The following DMD variants were observed in gnomAD, a reference collection of about 807,000 sequenced individuals.
DMD encodes the protein mutant dystrophin.
DMD carries 63 observed loss-of-function variants against 330.1 expected under a neutral mutation model. The observed-to-expected ratio is 0.19, with a 90% CI of 0.16 to 0.24. DMD has a LOEUF of 0.24. DMD is among the 10% of genes least tolerant of loss of function. The probability of loss-of-function intolerance (pLI) is 1.00; values close to 1 mark genes in which losing one functional copy is unlikely to be tolerated. For synonymous variants in DMD, 1,223 were observed against 959.8 expected (o/e 1.27, Z -5.07); for missense variants, 3,344 against 2,684.1 (o/e 1.25, Z -5.43).
intron 62 of DMD, among the ~76,000 whole-genome samples, chrX:31,267,164 A>G (rs760735055): frequency 9.0e-6 from 1 of 111,495 alleles, no homozygotes; most frequent in Non-Finnish European, 1.9e-5. Context: ...AGACCCAGGA[A>G]CCTGGAAGCC....
At chrX:32,041,623 G>C (rs1026518352) in intron 44 of DMD, among the ~76,000 whole-genome samples, 4 of 111,065 alleles carry the variant, frequency 3.6e-5, no homozygotes, top group African/African-American at 1.3e-4. Context: ...CACTGTAACA[G>C]CAGCACATTC....
At chrX:31,187,722 AG>A (rs2041920572) in intron 67 of DMD, among the ~76,000 whole-genome samples, 1 of 4,104 alleles carries the variant, frequency 2.4e-4, no homozygotes, top group African/African-American at 6.5e-4. Flanking sequence ...ATTCTCAGAG[AG>A]AGAGAGAGAG....
At chrX:32,277,357 A>G (rs1189703510) in intron 43 of DMD, among the ~76,000 whole-genome samples, 1 of 111,805 alleles carries the variant, frequency 8.9e-6, no homozygotes, top group East Asian at 2.8e-4. Flanking sequence ...AAAGACCTCA[A>G]TACAATAACA....
intron 41 of DMD, among the ~76,000 whole-genome samples, chrX:32,316,527 C>T (rs1049272678): frequency 5.4e-5 from 6 of 111,048 alleles, no homozygotes; most frequent in African/African-American, 1.6e-4. Context: ...AGATAACAGA[C>T]ACTAAGTGGT....
intron 51 of DMD, among the ~76,000 whole-genome samples, chrX:31,732,702 T>A (rs1035729773): frequency 3.6e-5 from 4 of 111,017 alleles, no homozygotes; most frequent in Non-Finnish European, 5.7e-5. Context: ...ATCTATAAAA[T>A]TCTGTTCTCT....
At position 32,269,034 on chromosome X, in the gene DMD, A is replaced by AT. The variant is rs773791187; in HGVS notation, c.6290+18494dup. On this transcript the variant is annotated intron_variant, in intron 43 of 78. Coordinates refer to ENST00000357033, the MANE Select transcript of DMD (RefSeq NM_004006.3). ...CCAGGGAAAGGCAGTCTCCCAATAG[A>AT]TAAAAACACCTGAAATTGGTGATCA... Among the ~76,000 whole-genome samples the AT allele has an allele frequency of 2.7e-5, 3 of 110,612 alleles. No homozygotes were observed. The South Asian group carries it at 1.2e-3, about 44-fold the overall frequency.
chrX:33,033,676 C>A (rs1275289248), intron 1 of DMD, among the ~76,000 whole-genome samples: 1 of 109,787 alleles, frequency 9.1e-6, no homozygotes, highest in Non-Finnish European at 1.9e-5. Context: ...CGAGATCGCG[C>A]CACTGCACTC....
intron 50 of DMD, among the ~76,000 whole-genome samples, chrX:31,813,446 T>C (rs1045800884): frequency 4.5e-5 from 5 of 111,366 alleles, no homozygotes; most frequent in African/African-American, 1.6e-4. Context: ...AGTGAATAAG[T>C]CTCATGAGAT....
intron 62 of DMD, among the ~76,000 whole-genome samples, chrX:31,318,546 G>A (rs936258953): frequency 3.6e-5 from 4 of 112,363 alleles, no homozygotes; most frequent in Non-Finnish European, 7.5e-5. Flanking sequence ...AAACTCAGAT[G>A]CAATAAATGG....
intron 2 of DMD, among the ~76,000 whole-genome samples, chrX:33,013,368 A>T (rs937684269): frequency 9.0e-6 from 1 of 111,565 alleles, no homozygotes; most frequent in Non-Finnish European, 1.9e-5. Context: ...GGATTTCCGT[A>T]AGTTTCCTGT....
chrX:32,299,075 A>G (rs187053072), intron 42 of DMD, among the ~76,000 whole-genome samples: 5 of 110,099 alleles, frequency 4.5e-5, no homozygotes, highest in Non-Finnish European at 9.5e-5. Context: ...TCCAGTCCAC[A>G]TTTTGCACTA....
At chrX:32,103,521 C>T (rs1449739860) in intron 44 of DMD, among the ~76,000 whole-genome samples, 2 of 111,760 alleles carry the variant, frequency 1.8e-5, no homozygotes, top group African/African-American at 6.5e-5. Flanking sequence ...ACGAAACAAT[C>T]GATTCCTAAA....
chrX:32,274,959 T>A (rs1472300950), intron 43 of DMD, among the ~76,000 whole-genome samples: 1 of 111,971 alleles, frequency 8.9e-6, no homozygotes, highest in Non-Finnish European at 1.9e-5. Context: ...GTAATTGGCA[T>A]CAATAGTCAA....
intron 60 of DMD, among the ~76,000 whole-genome samples, chrX:31,437,454 T>C (rs2064616509): frequency 9.0e-6 from 1 of 111,490 alleles, no homozygotes; most frequent in African/African-American, 3.3e-5. Context: ...TGGGGGCGGA[T>C]TGGTTTAACA....
At chrX:32,348,373 A>T (rs2097770955) in intron 38 of DMD, 33 bp downstream of exon 38, 1 of 1,185,982 alleles carries the variant, frequency 8.4e-7, no homozygotes, top group Admixed American at 2.2e-5. Context: ...TTCCACTCCT[A>T]GTTCATTCAC....
chrX:32,134,562 G>A (rs947186647), intron 44 of DMD, among the ~76,000 whole-genome samples: 3 of 110,928 alleles, frequency 2.7e-5, no homozygotes, highest in Non-Finnish European at 3.8e-5. Flanking sequence ...CCGTGAAGAT[G>A]CTAATATAGG....
At chrX:32,709,312 G>C (rs1337993794) in intron 7 of DMD, among the ~76,000 whole-genome samples, 1 of 111,988 alleles carries the variant, frequency 8.9e-6, no homozygotes, top group African/African-American at 3.2e-5. Flanking sequence ...CCAAAACCAT[G>C]TAACACAAAT....
intron 2 of DMD, among the ~76,000 whole-genome samples, chrX:32,866,724 T>TGGGG (rs1200341173): frequency 2.6e-5 from 1 of 38,411 alleles, no homozygotes; most frequent in Non-Finnish European, 4.1e-5. Flanking sequence ...CACTTTTTTT[T>TGGGG]GGGGGGGGGT....
chrX:31,963,758 C>A (rs1202323576), intron 45 of DMD, among the ~76,000 whole-genome samples: 1 of 105,111 alleles, frequency 9.5e-6, no homozygotes, highest in African/African-American at 3.5e-5. Flanking sequence ...ATTTATGAGT[C>A]CATTTTGACA....
Sources: gnomAD v4.1 joint callset for allele counts (sites outside exome capture counted in the v4.1 genomes callset) on GRCh38, gnomAD v4.1.1 for gene constraint, MANE v1.5 for transcripts, NCBI Gene and HGNC (gene_info 2026-07-23, HGNC 2026-07-21) for gene names.